RIMBP2: variants seen among roughly 807,000 people sequenced by gnomAD.
The protein encoded by RIMBP2 is RIMS-binding protein 2.
A neutral mutation model predicts 118.6 loss-of-function variants in RIMBP2; 48 were observed. The ratio of observed to expected loss-of-function variants is 0.40; its 90% CI spans 0.32 to 0.51. The LOEUF (loss-of-function observed/expected upper bound fraction) is 0.51, where lower values mean the gene tolerates loss of function less well. RIMBP2 is among the 20% of genes least tolerant of loss of function. The pLI, the probability that RIMBP2 is intolerant of heterozygous loss-of-function variation, is 0.41. For missense variants in RIMBP2, 1,551 were observed against 1,768.3 expected (o/e 0.88, Z 2.20); for synonymous variants, 762 against 742.9 (o/e 1.03, Z -0.42).
chr12:130,624,904 T>C (rs951571143), intron 2 of RIMBP2, among the ~76,000 whole-genome samples: 1 of 152,134 alleles, frequency 6.6e-6, no homozygotes, highest in African/African-American at 2.4e-5. Flanking sequence ...TTTGTATTTT[T>C]AGTAGAGCCA....
rs145969325 is a variant in RIMBP2, at chr12:130,567,462, G to C, written c.-216-49545C>G. ...TGATGTACTTTCCAGCCTGGAGCGT[G>C]TCTTGCCTCCTCTGGAACCCACCCT... On this transcript the variant is annotated intron_variant, in intron 2 of 22. Coordinates refer to ENST00000690449, the MANE Select transcript of RIMBP2 (RefSeq NM_001393629.1). 1.4e-3 allele frequency among the ~76,000 whole-genome samples: 214 copies of C among 152,304 alleles called. 3 individuals carry two copies. Among genetic ancestry groups the C allele is most frequent in the African/African-American group, 5.0e-3 (207 of 41,550 alleles).
At chr12:130,641,975 G>A (rs1431348144) in intron 1 of RIMBP2, among the ~76,000 whole-genome samples, 1 of 152,144 alleles carries the variant, frequency 6.6e-6, no homozygotes, top group African/African-American at 2.4e-5. Context: ...GTACAGATGA[G>A]AAAACTGAGG....
chr12:130,639,350 T>C (rs1216314721), intron 1 of RIMBP2, among the ~76,000 whole-genome samples: 1 of 144,770 alleles, frequency 6.9e-6, no homozygotes, highest in Non-Finnish European at 1.5e-5. Flanking sequence ...GATCACGCCA[T>C]TGCATCCCAG....
rs2078988787 is a variant in RIMBP2 at position 130,451,275 on chromosome 12, C to A, written c.424G>T (p.Gly142Cys). ...GCGGACAGAGGCTCCGGCCTGTCAC[C>A]AGGCTGCGGAAGGGGCCGGATATAT... ...GEYIRPLPQPGDRPEPLSAKP... is the reference protein window; with the variant it reads ...GEYIRPLPQPCDRPEPLSAKP... The change falls in exon 8 of 23, where the codon GGT (glycine) becomes TGT (cysteine). Residue 142 changes from glycine to cysteine, a missense_variant. Gly to Cys is a radical substitution (Grantham distance 159, BLOSUM62 -3). This residue lies in a region of RIMBP2 where 239 missense variants were observed against 256.8 expected (regional missense o/e 0.93). Coordinates refer to ENST00000690449, the MANE Select transcript of RIMBP2 (RefSeq NM_001393629.1). 1 of 1,614,208 alleles carries A rather than the reference C, an allele frequency of 6.2e-7. No homozygotes were observed. Among genetic ancestry groups the A allele is most frequent in the African/African-American group, 1.3e-5 (1 of 75,070 alleles).
intron 2 of RIMBP2, among the ~76,000 whole-genome samples, chr12:130,557,951 A>G (rs1308722935): frequency 6.6e-6 from 1 of 152,036 alleles, no homozygotes; most frequent in Non-Finnish European, 1.5e-5. Flanking sequence ...CCGGTTCCTC[A>G]CCTGAAAAGT....
At position 130,511,159 on chromosome 12, in the gene RIMBP2, G is replaced by A. The variant is rs777841586; in HGVS notation, c.-126-4389C>T. Among the ~76,000 whole-genome samples the A allele has an allele frequency of 5.9e-5, 9 of 151,936 alleles. No homozygotes were observed. Among genetic ancestry groups the A allele is most frequent in the Non-Finnish European group, 1.3e-4 (9 of 67,980 alleles). ...CCTTATCAGGAAAAGCAGAGTCAGAGACAAAAAAGAGAGAGCTTAGGTGAT... is the reference window on the plus strand; with the variant it reads ...CCTTATCAGGAAAAGCAGAGTCAGAAACAAAAAAGAGAGAGCTTAGGTGAT... On this transcript the variant is annotated intron_variant, in intron 3 of 22. Coordinates refer to ENST00000690449, the MANE Select transcript of RIMBP2 (RefSeq NM_001393629.1). This position sits in a 1 kb window ranked among gnomAD's most constrained non-coding sequence, Gnocchi z 4.3.
chr12:130,461,824 AC>A (rs1313067172), intron 6 of RIMBP2, among the ~76,000 whole-genome samples: 6 of 151,732 alleles, frequency 4.0e-5, no homozygotes, highest in Non-Finnish European at 8.8e-5. Flanking sequence ...AAGCCAGCAC[AC>A]CCCCTGTACA....
chr12:130,438,351 C>CCCACA lies in RIMBP2; in HGVS notation c.1656+13_1656+14insTGTGG. 1 of 1,589,932 alleles carries CCCACA rather than the reference C, an allele frequency of 6.3e-7. No homozygotes were observed. The highest frequency in any genetic ancestry group is 8.6e-7 in the Non-Finnish European group (1 of 1,158,622). Reference sequence around the variant, plus strand: ...GCCTAACAAACCCTCCCCACCCACCCAACGAAAACTCACCCTCTGCCCTTT... The same window carrying CCCACA: ...GCCTAACAAACCCTCCCCACCCACCCCCACAAACGAAAACTCACCCTCTGCCCTTT... On this transcript the variant is annotated intron_variant, in intron 12 of 22. Coordinates refer to ENST00000690449, the MANE Select transcript of RIMBP2 (RefSeq NM_001393629.1).
intron 1 of RIMBP2, among the ~76,000 whole-genome samples, chr12:130,684,785 C>CAT (rs1437134764): frequency 2.0e-5 from 3 of 152,248 alleles, no homozygotes; most frequent in Non-Finnish European, 2.9e-5. Context: ...TTTTTTATCC[C>CAT]ATATATATAC....
intron 4 of RIMBP2, among the ~76,000 whole-genome samples, chr12:130,500,409 G>A (rs1408573617): frequency 6.6e-6 from 1 of 152,172 alleles, no homozygotes; most frequent in Middle Eastern, 3.2e-3. Flanking sequence ...AGTGAGCCCA[G>A]ATCACGCCAC....
chr12:130,509,407 T>C (rs1182550906), intron 3 of RIMBP2, among the ~76,000 whole-genome samples: 1 of 152,240 alleles, frequency 6.6e-6, no homozygotes, highest in African/African-American at 2.4e-5. Context: ...TGTGTGATTC[T>C]TGGGAATCCT....
At chr12:130,616,583 T>C (rs1340783227) in intron 2 of RIMBP2, among the ~76,000 whole-genome samples, 3 of 152,184 alleles carry the variant, frequency 2.0e-5, no homozygotes, top group African/African-American at 7.2e-5. Context: ...CCATCAGCCA[T>C]GTCTACTGGG....
chr12:130,549,591 A>G lies in RIMBP2; in HGVS notation c.-216-31674T>C, dbSNP rs537502486. 9.6e-4 allele frequency among the ~76,000 whole-genome samples: 146 copies of G among 152,260 alleles called. 1 individual carries two copies. The highest frequency in any genetic ancestry group is 3.4e-3 in the African/African-American group (140 of 41,554). ...TTCTCATCATTTAGCTCCCACCTACAAGTGAGAACATGCAGTATTTGGTTT... is the reference window on the plus strand; with the variant it reads ...TTCTCATCATTTAGCTCCCACCTACGAGTGAGAACATGCAGTATTTGGTTT... On this transcript the variant is annotated intron_variant, in intron 2 of 22. Coordinates refer to ENST00000690449, the MANE Select transcript of RIMBP2 (RefSeq NM_001393629.1).
At position 130,655,156 on chromosome 12, in the gene RIMBP2, G is replaced by A. The variant is rs142817704; in HGVS notation, c.-351-26700C>T. Among the ~76,000 whole-genome samples, 11 of 152,318 alleles carry A rather than the reference G, an allele frequency of 7.2e-5. No homozygotes were observed. In the East Asian group the frequency reaches 1.7e-3, roughly 24 times the overall value. ...CTAGAGGTCTCTACAGGGAGAGAAT[G>A]GGGTGCTGGACAGAGGACAAAGAGG... is the stretch of plus-strand genomic sequence containing the variant. On this transcript the variant is annotated intron_variant, in intron 1 of 22. Transcript: ENST00000690449.
Position 130,523,775 on chromosome 12 carries a change from G to A in RIMBP2, c.-216-5858C>T, listed in dbSNP as rs2052440359. On this transcript the variant is annotated intron_variant, in intron 2 of 22. Coordinates refer to ENST00000690449, the MANE Select transcript of RIMBP2 (RefSeq NM_001393629.1). The surrounding 1 kb of genome is among the most constrained non-coding windows in gnomAD (Gnocchi z 4.4). ...AGCACCCTCTGCCCCCAGCCTTGTGGGTGCAGCAGACAGCGCAGGGCATTC... is the reference window on the plus strand; with the variant it reads ...AGCACCCTCTGCCCCCAGCCTTGTGAGTGCAGCAGACAGCGCAGGGCATTC... Among the ~76,000 whole-genome samples, 3 of 152,212 alleles carry A rather than the reference G, an allele frequency of 2.0e-5. No homozygotes were observed. Among genetic ancestry groups the A allele is most frequent in the Admixed American group, 1.3e-4 (2 of 15,282 alleles).
At chr12:130,521,069 T>TG (rs945834077) in intron 2 of RIMBP2, among the ~76,000 whole-genome samples, 10 of 151,948 alleles carry the variant, frequency 6.6e-5, no homozygotes, top group Non-Finnish European at 1.2e-4. Flanking sequence ...TTGCAGGCCT[T>TG]GGGGGGGAAA....
At chr12:130,505,166 T>C (rs533398380) in intron 4 of RIMBP2, among the ~76,000 whole-genome samples, 14 of 152,232 alleles carry the variant, frequency 9.2e-5, no homozygotes, top group African/African-American at 3.4e-4. Context: ...TCCTGAAAAC[T>C]TAGAGCACAC....
At chr12:130,461,885 CCTT>C (rs2080028454) in intron 6 of RIMBP2, among the ~76,000 whole-genome samples, 1 of 152,172 alleles carries the variant, frequency 6.6e-6, no homozygotes, top group Non-Finnish European at 1.5e-5. Context: ...CCTTCATAAA[CCTT>C]CATAAATGGC....
rs145806711 is a variant in RIMBP2, at chr12:130,631,286, C to T, written c.-351-2830G>A. On this transcript the variant is annotated intron_variant, in intron 1 of 22. Transcript: ENST00000690449. ...AACCACAGTCACTAATTGGTGCTAC[C>T]ATTAGCAATATACACACAATAACAA... Among the ~76,000 whole-genome samples, 87 of 152,260 alleles carry T rather than the reference C, an allele frequency of 5.7e-4. 3 individuals carry two copies. In the East Asian group the frequency reaches 0.015, roughly 27 times the overall value.
Sources: gnomAD v4.1 joint callset for allele counts (sites outside exome capture counted in the v4.1 genomes callset) on GRCh38, gnomAD v4.1.1 for gene constraint, gnomAD v4.1.1 regional missense constraint, Gnocchi (gnomAD v3.1) non-coding constraint, MANE v1.5 for transcripts, NCBI Gene and HGNC (gene_info 2026-07-23, HGNC 2026-07-21) for gene names.